The following KIAA1958 variants were observed in gnomAD, a reference collection of about 807,000 sequenced individuals.
KIAA1958 encodes the protein uncharacterized protein KIAA1958.
Under a neutral mutation model 47.2 loss-of-function variants are expected in KIAA1958, and 14 were observed. The observed-to-expected ratio is 0.30, with a 90% CI of 0.20 to 0.46. The LOEUF is 0.46. KIAA1958 is among the 20% of genes least tolerant of loss of function. KIAA1958 has a pLI of 1.00. For missense variants in KIAA1958, 803 were observed against 909.2 expected (o/e 0.88, Z 1.50); for synonymous variants, 354 against 353.3 (o/e 1.00, Z -0.02).
At chr9:112,526,704 T>A (rs1834662485) in intron 1 of KIAA1958, among the ~76,000 whole-genome samples, 1 of 152,152 alleles carries the variant, frequency 6.6e-6, no homozygotes, top group Non-Finnish European at 1.5e-5. Flanking sequence ...GGGATAAACA[T>A]GATTTTTAAA....
Position 112,487,040 on chromosome 9 carries a change from T to C in KIAA1958, c.-103T>C. 4.7e-6 allele frequency: 1 copy of C among 211,974 alleles called. No individual in the cohort carries two copies. Among genetic ancestry groups the C allele is most frequent in the Non-Finnish European group, 9.5e-6 (1 of 105,318 alleles). 13.1% of individuals were successfully genotyped at this position (211,974 alleles called of 1,614,324 possible). On this transcript the variant is annotated 5_prime_UTR_variant, in exon 1 of 4. Transcript: ENST00000337530. Reference sequence around the variant, plus strand: ...CCTCGCGCCCCTTCGGCCCGTCCCGTCCAGCCCGGGCTGCCCGGCTCTCGC... The same window carrying C: ...CCTCGCGCCCCTTCGGCCCGTCCCGCCCAGCCCGGGCTGCCCGGCTCTCGC...
chr9:112,502,212 A>G (rs1443503756), intron 1 of KIAA1958, among the ~76,000 whole-genome samples: 8 of 152,268 alleles, frequency 5.3e-5, no homozygotes, highest in Non-Finnish European at 7.3e-5. Context: ...GAACATATCA[A>G]TATGTATAGT....
chr9:112,638,875 CA>C (rs1354577644), intron 2 of KIAA1958, among the ~76,000 whole-genome samples: 1 of 152,092 alleles, frequency 6.6e-6, no homozygotes, highest in Non-Finnish European at 1.5e-5. Context: ...CTATGTGTTA[CA>C]CCTGCTTGTT....
chr9:112,668,172 G>A lies in KIAA1958; in HGVS notation c.*8103G>A, dbSNP rs1201375180. On this transcript the variant is annotated 3_prime_UTR_variant, in exon 4 of 4. Coordinates refer to ENST00000337530, the MANE Select transcript of KIAA1958 (RefSeq NM_133465.4). ...AAAAGCCAAGGAGTCCCCTGCGTTG[G>A]GGGTGTAATAACCTAGACTAGAGCT... The A allele has an allele frequency of 7.8e-6, 1 of 128,992 alleles. No homozygotes were observed. The highest frequency in any genetic ancestry group is 3.2e-5 in the African/African-American group (1 of 31,736). 8.0% of individuals were successfully genotyped at this position (128,992 alleles called of 1,614,324 possible).
chr9:112,496,738 C>T lies in KIAA1958; in HGVS notation c.-25+9620C>T, dbSNP rs144031832. On this transcript the variant is annotated intron_variant, in intron 1 of 3. Coordinates refer to ENST00000337530, the MANE Select transcript of KIAA1958 (RefSeq NM_133465.4). ...AAAGCCTCTTAGGTTCTTGTGGTCT[C>T]GCGTTCTCCCCCAGAAGCTCAGAAA... 4.3e-4 allele frequency among the ~76,000 whole-genome samples: 66 copies of T among 152,200 alleles called. No individual in the cohort carries two copies. In the East Asian group the frequency reaches 0.011, roughly 25 times the overall value.
chr9:112,492,315 A>T (rs751870078), intron 1 of KIAA1958, among the ~76,000 whole-genome samples: 1 of 152,146 alleles, frequency 6.6e-6, no homozygotes, highest in Non-Finnish European at 1.5e-5. Flanking sequence ...CCCTCTGTGT[A>T]TGTGTGTGTC....
intron 1 of KIAA1958, among the ~76,000 whole-genome samples, chr9:112,518,150 T>C (rs62567852): frequency 0.13 from 19,035 of 152,132 alleles, 1,704 homozygotes; most frequent in East Asian, 0.23. Flanking sequence ...CCCAGGAATA[T>C]AAGGCTGCAG....
intron 1 of KIAA1958, among the ~76,000 whole-genome samples, chr9:112,535,018 A>G (rs1834827554): frequency 6.6e-6 from 1 of 152,338 alleles, no homozygotes; most frequent in East Asian, 1.9e-4. Flanking sequence ...GGTGTACAAC[A>G]TGATGTTTTG....
intron 2 of KIAA1958, among the ~76,000 whole-genome samples, chr9:112,643,462 A>G (rs1471297062): frequency 6.6e-6 from 1 of 152,250 alleles, no homozygotes; most frequent in Non-Finnish European, 1.5e-5. Context: ...AATTAGTGCT[A>G]CGTATAACAA....
intron 2 of KIAA1958, among the ~76,000 whole-genome samples, chr9:112,607,667 G>GT (rs1345970896): frequency 7.0e-6 from 1 of 142,930 alleles, no homozygotes; most frequent in Non-Finnish European, 1.5e-5. Context: ...AAAGACTAAT[G>GT]TACAATGATC....
At chr9:112,653,583 A>G (rs1464998714) in intron 3 of KIAA1958, among the ~76,000 whole-genome samples, 1 of 152,104 alleles carries the variant, frequency 6.6e-6, no homozygotes, top group Non-Finnish European at 1.5e-5. Context: ...ACATGGCAAC[A>G]CCATGCACTA....
In KIAA1958 at chr9:112,618,003, T is replaced by G; in HGVS notation, c.1172-27647T>G. 6.4e-7 allele frequency: 1 copy of G among 1,550,614 alleles called. No individual in the cohort carries two copies. The highest frequency in any genetic ancestry group is 1.2e-5 in the South Asian group (1 of 84,064). On this transcript the variant is annotated intron_variant, in intron 2 of 3. Coordinates refer to ENST00000337530, the MANE Select transcript of KIAA1958 (RefSeq NM_133465.4). The surrounding 1 kb of genome is among the most constrained non-coding windows in gnomAD (Gnocchi z 7.1). ...CCTTCTGAAACAAGAGAGATTTATGTCATCCCTTGCAAGGAGTTGGATGCC... is the reference window on the plus strand; with the variant it reads ...CCTTCTGAAACAAGAGAGATTTATGGCATCCCTTGCAAGGAGTTGGATGCC...
intron 1 of KIAA1958, among the ~76,000 whole-genome samples, chr9:112,511,928 A>G (rs1834332240): frequency 6.6e-6 from 1 of 152,182 alleles, no homozygotes. Flanking sequence ...ACTTATATAA[A>G]ATGGATAAAT....
chr9:112,540,164 A>C (rs1834916856), intron 1 of KIAA1958, among the ~76,000 whole-genome samples: 1 of 152,222 alleles, frequency 6.6e-6, no homozygotes, highest in African/African-American at 2.4e-5. Flanking sequence ...TAAATATGGA[A>C]GGATATATGA....
At chr9:112,560,224 A>G (rs1159913984) in intron 1 of KIAA1958, among the ~76,000 whole-genome samples, 1 of 132,704 alleles carries the variant, frequency 7.5e-6, no homozygotes, top group Non-Finnish European at 1.5e-5. Context: ...TTGAAGAGAT[A>G]GGGTCTTGCT....
intron 1 of KIAA1958, among the ~76,000 whole-genome samples, chr9:112,550,480 G>A (rs1476901884): frequency 6.6e-6 from 1 of 152,130 alleles, no homozygotes; most frequent in African/African-American, 2.4e-5. Context: ...CTTTGTGTTG[G>A]GGTCCTCAAG....
intron 1 of KIAA1958, among the ~76,000 whole-genome samples, chr9:112,547,341 G>C (rs1320137634): frequency 7.2e-6 from 1 of 138,176 alleles, no homozygotes; most frequent in Non-Finnish European, 1.5e-5. Context: ...TTGTGCCACT[G>C]CACCACAGCC....
chr9:112,588,599 G>A (rs1334759904), intron 2 of KIAA1958, among the ~76,000 whole-genome samples: 1 of 152,200 alleles, frequency 6.6e-6, no homozygotes, highest in African/African-American at 2.4e-5. Context: ...CTTAGAATCA[G>A]TGAAATATAT....
intron 1 of KIAA1958, among the ~76,000 whole-genome samples, chr9:112,505,537 T>C (rs1834219704): frequency 1.3e-5 from 2 of 152,228 alleles, no homozygotes; most frequent in African/African-American, 4.8e-5. Context: ...TTGAATTGTA[T>C]GGTGTGAAGT....
Sources: gnomAD v4.1 joint callset for allele counts (sites outside exome capture counted in the v4.1 genomes callset) on GRCh38, gnomAD v4.1.1 for gene constraint, Gnocchi (gnomAD v3.1) non-coding constraint, MANE v1.5 for transcripts, NCBI Gene and HGNC (gene_info 2026-07-23, HGNC 2026-07-21) for gene names.